CAST: variants seen among roughly 807,000 people sequenced by gnomAD.
CAST encodes calpastatin.
In CAST, 76 loss-of-function variants were observed where a neutral mutation model predicts 119.6. The observed-to-expected ratio is 0.64, with a 90% CI of 0.53 to 0.77. The LOEUF (loss-of-function observed/expected upper bound fraction) is 0.77, where lower values mean the gene tolerates loss of function less well. Among genes scored for constraint, CAST ranks in the 30% least tolerant of loss-of-function variants. The pLI is 0.00. For missense variants in CAST, 953 were observed against 946.5 expected (o/e 1.01, Z -0.09); for synonymous variants, 319 against 331.6 (o/e 0.96, Z 0.41).
chr5:96,674,755 G>T (rs1750497766), intron 1 of CAST, among the ~76,000 whole-genome samples: 1 of 152,156 alleles, frequency 6.6e-6, no homozygotes, highest in Admixed American at 6.6e-5. Flanking sequence ...GCACAGTAGG[G>T]TGACTACAGT....
the CAST span, among the ~76,000 whole-genome samples, chr5:96,339,118 A>T: frequency 6.6e-6 from 1 of 152,320 alleles, no homozygotes; most frequent in South Asian, 2.1e-4. Context: ...GGTGATTATT[A>T]TAGTTTTTGA....
In CAST at chr5:96,762,367, A is replaced by G. The variant is rs749083095; in HGVS notation, c.1927A>G (p.Thr643Ala). Residue 643 changes from threonine (T) to alanine (A), a missense_variant, in exon 25 of 32, where the codon ACC becomes GCC. Thr to Ala is a moderately conservative substitution (Grantham distance 58). Transcript: ENST00000675179. ...TTQAGAPPRD[T>A]SQSDKDLDDA... is the part of the protein sequence containing the mutation. ...CCAAGCTGGAGCCCCACCCCGTGATACCTCGGTAAGCAGCACATCTTATTT... is the reference window on the plus strand; with the variant it reads ...CCAAGCTGGAGCCCCACCCCGTGATGCCTCGGTAAGCAGCACATCTTATTT... 7 of 1,593,422 alleles carry G rather than the reference A, an allele frequency of 4.4e-6. No individual in the cohort carries two copies. The highest frequency in any genetic ancestry group is 6.0e-6 in the Non-Finnish European group (7 of 1,172,404).
At chr5:96,272,883 A>G in the CAST span, among the ~76,000 whole-genome samples, 6 of 152,314 alleles carry the variant, frequency 3.9e-5, no homozygotes, top group African/African-American at 1.4e-4. Flanking sequence ...TCTATTATAT[A>G]TCAATAAAAA....
rs370625867 is a variant in CAST at position 96,616,063 on chromosome 5, C to A, written c.61-59476C>A. Reference sequence around the variant, plus strand: ...CTGCCTGTTTTATATTCTGGCCATGCCGGCAGCTGATTAGATGGTGTTCGT... The same window carrying A: ...CTGCCTGTTTTATATTCTGGCCATGACGGCAGCTGATTAGATGGTGTTCGT... On this transcript the variant is annotated intron_variant, in intron 1 of 11. Coordinates refer to the CAST transcript ENST00000505143. 3.3e-5 allele frequency among the ~76,000 whole-genome samples: 5 copies of A among 150,420 alleles called. No individual in the cohort carries two copies. The East Asian group carries it at 7.8e-4, about 23-fold the overall frequency.
the CAST span, among the ~76,000 whole-genome samples, chr5:96,303,112 T>C: frequency 6.6e-6 from 1 of 152,194 alleles, no homozygotes; most frequent in African/African-American, 2.4e-5. Context: ...ACTTAAATCA[T>C]GGCGGAAGGT....
the CAST span, among the ~76,000 whole-genome samples, chr5:96,354,412 G>T: frequency 2.0e-5 from 3 of 152,076 alleles, no homozygotes; most frequent in Non-Finnish European, 4.4e-5. Flanking sequence ...CAGCCATTTT[G>T]AACTCCTTCA....
intron 1 of CAST, among the ~76,000 whole-genome samples, chr5:96,544,394 C>A (rs1335745360): frequency 6.6e-6 from 1 of 152,078 alleles, no homozygotes; most frequent in African/African-American, 2.4e-5. Flanking sequence ...TGTATATTAA[C>A]CTCGATTCCA....
the CAST span, among the ~76,000 whole-genome samples, chr5:96,219,976 G>A: frequency 6.6e-6 from 1 of 152,156 alleles, no homozygotes; most frequent in African/African-American, 2.4e-5. Context: ...GATGTCTGAA[G>A]CTGATGCTGT....
chr5:96,034,752 C>T, the CAST span, among the ~76,000 whole-genome samples: 1 of 151,288 alleles, frequency 6.6e-6, no homozygotes, highest in Non-Finnish European at 1.5e-5. Context: ...ATCCATTAAC[C>T]AGCATCTCCC....
At chr5:96,609,237 C>G (rs1006502114) in intron 1 of CAST, among the ~76,000 whole-genome samples, 5 of 152,122 alleles carry the variant, frequency 3.3e-5, no homozygotes, top group African/African-American at 9.7e-5. Context: ...TTGCAATATC[C>G]TATTCTGAAT....
At chr5:96,255,267 A>T in the CAST span, among the ~76,000 whole-genome samples, 1 of 152,154 alleles carries the variant, frequency 6.6e-6, no homozygotes, top group Non-Finnish European at 1.5e-5. Context: ...CTTTTGCCTC[A>T]AAGCTTGGAA....
chr5:96,672,944 C>T (rs1450853076), intron 1 of CAST, among the ~76,000 whole-genome samples: 1 of 152,076 alleles, frequency 6.6e-6, no homozygotes, highest in Non-Finnish European at 1.5e-5. Context: ...GCTGTACATG[C>T]ATTTACTGTG....
At chr5:96,326,579 T>A in the CAST span, among the ~76,000 whole-genome samples, 1 of 152,172 alleles carries the variant, frequency 6.6e-6, no homozygotes, top group Admixed American at 6.5e-5. Flanking sequence ...GGGCCCCCTC[T>A]TTAATTTGTA....
chr5:96,499,846 A>C, the CAST span, among the ~76,000 whole-genome samples: 3 of 152,180 alleles, frequency 2.0e-5, no homozygotes, highest in Non-Finnish European at 2.9e-5. Context: ...CTTTCAACAC[A>C]ACTTTCCTCA....
At chr5:96,501,187 C>T in the CAST span, among the ~76,000 whole-genome samples, 1 of 152,068 alleles carries the variant, frequency 6.6e-6, no homozygotes, top group Non-Finnish European at 1.5e-5. Context: ...AAAGAGGTTA[C>T]TGAATGAAAA....
chr5:96,689,644 C>G (rs1424649490), intron 2 of CAST, among the ~76,000 whole-genome samples: 1 of 152,134 alleles, frequency 6.6e-6, no homozygotes, highest in African/African-American at 2.4e-5. Flanking sequence ...GAAATTGAGG[C>G]ACAGCTTGAT....
chr5:96,743,560 A>G (rs775553169), intron 16 of CAST: 1 of 1,571,970 alleles, frequency 6.4e-7, no homozygotes, highest in Non-Finnish European at 8.6e-7. Context: ...GTTCTGAGTC[A>G]TCAGGGAAGG....
rs140665192 is a variant in CAST, at chr5:96,588,196, C to CT, written c.60+58340dup. Among the ~76,000 whole-genome samples the CT allele has an allele frequency of 5.7e-3, 433 of 75,784 alleles. 21 individuals are homozygous for CT. Among genetic ancestry groups the CT allele is most frequent in the Non-Finnish European group, 7.5e-3 (342 of 45,802 alleles). 49.7% of individuals were successfully genotyped at this position (75,784 alleles called of 152,430 possible). ...TATTATTTTCTTTCTTTCTTTCTTTCTTTTTTTTTTTTTTTTTTTTTTTTG... is the reference window on the plus strand; with the variant it reads ...TATTATTTTCTTTCTTTCTTTCTTTCTTTTTTTTTTTTTTTTTTTTTTTTTG... On this transcript the variant is annotated intron_variant, in intron 1 of 11. Coordinates refer to the CAST transcript ENST00000505143.
chr5:96,240,026 A>G, the CAST span, among the ~76,000 whole-genome samples: 5 of 152,206 alleles, frequency 3.3e-5, no homozygotes, highest in Admixed American at 6.5e-5. Flanking sequence ...AACATGAAGC[A>G]TAAGTTTCTA....
Sources: gnomAD v4.1 joint callset for allele counts (sites outside exome capture counted in the v4.1 genomes callset) on GRCh38, gnomAD v4.1.1 for gene constraint, MANE v1.5 for transcripts, NCBI Gene and HGNC (gene_info 2026-07-23, HGNC 2026-07-21) for gene names.